The following FNDC3A variants were observed in gnomAD, a reference collection of about 807,000 sequenced individuals.
FNDC3A encodes the protein fibronectin type-III domain-containing protein 3A.
Under a neutral mutation model 148.9 loss-of-function variants are expected in FNDC3A, and 32 were observed. The observed-to-expected ratio is 0.21, with a 90% CI of 0.16 to 0.29. The LOEUF is 0.29. FNDC3A is among the 10% of genes least tolerant of loss of function. The probability of loss-of-function intolerance (pLI) is 1.00; values close to 1 mark genes in which losing one functional copy is unlikely to be tolerated. For synonymous variants in FNDC3A, 472 were observed against 473.6 expected (o/e 1.00, Z 0.04); for missense variants, 1,191 against 1,452.8 (o/e 0.82, Z 2.93).
intron 13 of FNDC3A, among the ~76,000 whole-genome samples, chr13:49,178,255 C>G (rs1450415995): frequency 6.6e-6 from 1 of 152,220 alleles, no homozygotes; most frequent in South Asian, 2.1e-4. Context: ...CTTGGGATAG[C>G]TTACTGATGG....
chr13:49,113,598 T>A (rs939839603), intron 3 of FNDC3A, among the ~76,000 whole-genome samples: 1 of 152,166 alleles, frequency 6.6e-6, no homozygotes, highest in Non-Finnish European at 1.5e-5. Context: ...CTGAGAGCCA[T>A]TATATAATGG....
At chr13:49,018,602 C>T (rs1239479785) in intron 2 of FNDC3A, among the ~76,000 whole-genome samples, 1 of 152,296 alleles carries the variant, frequency 6.6e-6, no homozygotes, top group African/African-American at 2.4e-5. Flanking sequence ...TCTCTCAGCT[C>T]GTCAAAGTCA....
chr13:49,117,858 A>G lies in FNDC3A; in HGVS notation c.252+3127A>G, dbSNP rs191954725. On this transcript the variant is annotated intron_variant, in intron 4 of 25. Transcript: ENST00000492622. ...AATCCCCCATGCATACCAAGGGACA[A>G]CTGCATATGTATTTTTACTCCTACA... Among the ~76,000 whole-genome samples the G allele has an allele frequency of 5.2e-3, 795 of 152,300 alleles. 6 individuals carry two copies. Among genetic ancestry groups the G allele is most frequent in the African/African-American group, 0.018 (759 of 41,560 alleles).
chr13:49,093,433 C>A (rs1879318416), intron 3 of FNDC3A, among the ~76,000 whole-genome samples: 2 of 152,064 alleles, frequency 1.3e-5, no homozygotes, highest in African/African-American at 4.8e-5. Context: ...TCGAACGATC[C>A]CTGTACCAGT....
At chr13:49,113,060 C>G (rs1880678471) in intron 3 of FNDC3A, among the ~76,000 whole-genome samples, 1 of 144,086 alleles carries the variant, frequency 6.9e-6, no homozygotes, top group African/African-American at 2.5e-5. Context: ...CCTTTCCCTC[C>G]CCTCCCCCTT....
At chr13:49,010,897 G>A (rs186858042) in intron 2 of FNDC3A, among the ~76,000 whole-genome samples, 43 of 151,926 alleles carry the variant, frequency 2.8e-4, no homozygotes, top group Non-Finnish European at 5.0e-4. Context: ...AATTAAACTT[G>A]GTTTAACTAT....
chr13:49,010,747 C>T (rs1952323510), intron 2 of FNDC3A, among the ~76,000 whole-genome samples: 1 of 152,212 alleles, frequency 6.6e-6, no homozygotes, highest in African/African-American at 2.4e-5. Context: ...TCTTCCACAT[C>T]ATAACACCCT....
intron 8 of FNDC3A, among the ~76,000 whole-genome samples, chr13:49,149,269 G>GT (rs1305610545): frequency 2.0e-5 from 3 of 151,446 alleles, no homozygotes; most frequent in African/African-American, 7.3e-5. Context: ...AGGCATCCTT[G>GT]TCTTGTTCGA....
chr13:49,190,421 G>A (rs939862471), intron 17 of FNDC3A, among the ~76,000 whole-genome samples: 1 of 152,154 alleles, frequency 6.6e-6, no homozygotes, highest in Admixed American at 6.5e-5. Flanking sequence ...TACTCTGGAC[G>A]TGGGAGGATT....
intron 2 of FNDC3A, 90 bp downstream of exon 2, chr13:49,006,379 A>C (rs887668757): frequency 1.8e-6 from 1 of 554,434 alleles, no homozygotes; most frequent in African/African-American, 1.9e-5. Context: ...AGTTCCTGTT[A>C]ATTCGTGTTT....
intron 1 of FNDC3A, among the ~76,000 whole-genome samples, chr13:48,994,348 A>G (rs1951982169): frequency 6.6e-6 from 1 of 152,242 alleles, no homozygotes; most frequent in Admixed American, 6.5e-5. Flanking sequence ...ACAAGTTTTA[A>G]TAAAAACAAG....
At chr13:49,101,167 C>T (rs1035297533) in intron 3 of FNDC3A, among the ~76,000 whole-genome samples, 3 of 152,080 alleles carry the variant, frequency 2.0e-5, no homozygotes, top group Non-Finnish European at 4.4e-5. Context: ...CCCTTATCTC[C>T]CTTTAGACTA....
At chr13:49,078,397 G>A (rs867625423) in intron 3 of FNDC3A, among the ~76,000 whole-genome samples, 1 of 152,140 alleles carries the variant, frequency 6.6e-6, no homozygotes, top group Non-Finnish European at 1.5e-5. Flanking sequence ...ATATTTTTAG[G>A]CAGGGACACA....
At chr13:49,161,145 G>T (rs139326039) in intron 8 of FNDC3A, among the ~76,000 whole-genome samples, 1 of 152,178 alleles carries the variant, frequency 6.6e-6, no homozygotes, top group Non-Finnish European at 1.5e-5. Context: ...TCCAGTTGGT[G>T]CAGACTTGAG....
chr13:49,136,444 G>A lies in FNDC3A; in HGVS notation c.603G>A (p.Met201Ile), dbSNP rs747008152. 1.4e-5 allele frequency: 22 copies of A among 1,613,950 alleles called. No individual in the cohort carries two copies. The East Asian group carries it at 4.9e-4, about 36-fold the overall frequency. ...KDRQGTQKDKMSSPPSSPQKC... is the reference protein window; with the variant it reads ...KDRQGTQKDKISSPPSSPQKC... ...GCCAAGGAACACAGAAAGATAAAAT[G>A]AGCAGTCCACCATCATCACCCCAGA... is the stretch of plus-strand genomic sequence containing the variant. The change falls in exon 6 of 26, where the codon ATG becomes ATA. Residue 201 changes from methionine to isoleucine, a missense_variant. Transcript: ENST00000492622.
intron 3 of FNDC3A, among the ~76,000 whole-genome samples, chr13:49,105,583 C>G (rs1880124651): frequency 6.6e-6 from 1 of 152,202 alleles, no homozygotes; most frequent in Admixed American, 6.5e-5. Flanking sequence ...GAACTGCCTG[C>G]TAGTTGAAAT....
chr13:49,091,422 A>G (rs1879184842), intron 3 of FNDC3A, among the ~76,000 whole-genome samples: 1 of 152,152 alleles, frequency 6.6e-6, no homozygotes, highest in Non-Finnish European at 1.5e-5. Context: ...GCTCAGAGGA[A>G]TGAAGTCCCT....
At chr13:49,204,678 G>A (rs747794364) in intron 25 of FNDC3A, among the ~76,000 whole-genome samples, 1 of 152,168 alleles carries the variant, frequency 6.6e-6, no homozygotes, top group Non-Finnish European at 1.5e-5. Context: ...CCACATTTGA[G>A]TAGTATATGA....
At chr13:49,166,024 GT>G (rs1884439830) in intron 8 of FNDC3A, among the ~76,000 whole-genome samples, 1 of 152,104 alleles carries the variant, frequency 6.6e-6, no homozygotes, top group Non-Finnish European at 1.5e-5. Context: ...GCCAAGACCT[GT>G]CCTCAGGCCC....
Sources: gnomAD v4.1 joint callset for allele counts (sites outside exome capture counted in the v4.1 genomes callset) on GRCh38, gnomAD v4.1.1 for gene constraint, MANE v1.5 for transcripts, NCBI Gene and HGNC (gene_info 2026-07-23, HGNC 2026-07-21) for gene names.